Variants in PTPRT observed in about 807,000 individuals in gnomAD.
The protein encoded by PTPRT is protein tyrosine phosphatase receptor type T, also known as receptor-type tyrosine-protein phosphatase T.
PTPRT carries 56 observed loss-of-function variants against 176.8 expected under a neutral mutation model. That is an observed-to-expected ratio of 0.32 (90% confidence interval 0.26 to 0.40). The LOEUF (loss-of-function observed/expected upper bound fraction) is 0.40, where lower values mean the gene tolerates loss of function less well. Ranked by LOEUF, PTPRT falls within the 10% of genes least tolerant of loss-of-function variation. PTPRT has a pLI of 1.00. For missense variants in PTPRT, 1,540 were observed against 1,908.2 expected (o/e 0.81, Z 3.60); for synonymous variants, 783 against 739.0 (o/e 1.06, Z -0.96).
chr20:42,061,051 T>C, the PTPRT span, among the ~76,000 whole-genome samples: 1 of 152,200 alleles, frequency 6.6e-6, no homozygotes, highest in African/African-American at 2.4e-5. Flanking sequence ...CATAGTGTTG[T>C]AAGAAGGATT....
At chr20:42,044,420 G>A in the PTPRT span, among the ~76,000 whole-genome samples, 3 of 152,182 alleles carry the variant, frequency 2.0e-5, no homozygotes, top group African/African-American at 7.2e-5. Context: ...GATGATTCCA[G>A]ACACACACCA....
At chr20:43,048,322 G>T (rs1986914328) in intron 1 of PTPRT, among the ~76,000 whole-genome samples, 1 of 152,184 alleles carries the variant, frequency 6.6e-6, no homozygotes, top group Non-Finnish European at 1.5e-5. Context: ...CACGAGCCCT[G>T]GCTGGGGAGA....
intron 7 of PTPRT, among the ~76,000 whole-genome samples, chr20:42,580,263 A>T (rs896171600): frequency 1.4e-4 from 21 of 152,060 alleles, no homozygotes; most frequent in African/African-American, 5.1e-4. Flanking sequence ...ATTGGTCTAT[A>T]TCTCTGTTTT....
chr20:42,707,196 C>T (rs974943444), intron 6 of PTPRT, among the ~76,000 whole-genome samples: 10 of 152,036 alleles, frequency 6.6e-5, no homozygotes, highest in Admixed American at 5.2e-4. Context: ...TTTTGCCACA[C>T]ACAGTTTGTG....
intron 12 of PTPRT, among the ~76,000 whole-genome samples, chr20:42,309,600 T>C (rs1223478066): frequency 1.3e-5 from 2 of 152,210 alleles, no homozygotes; most frequent in East Asian, 3.8e-4. Context: ...GTGCTTTTCA[T>C]TATTCAATAT....
intron 7 of PTPRT, among the ~76,000 whole-genome samples, chr20:42,585,555 A>G (rs2073456963): frequency 6.6e-6 from 1 of 152,152 alleles, no homozygotes; most frequent in Non-Finnish European, 1.5e-5. Flanking sequence ...AATAGTTAAC[A>G]CTGTATAGCA....
At chr20:42,781,558 T>C (rs910593140) in intron 3 of PTPRT, among the ~76,000 whole-genome samples, 15 of 152,122 alleles carry the variant, frequency 9.9e-5, no homozygotes, top group Admixed American at 4.6e-4. Flanking sequence ...AACCCTCCCT[T>C]TTATCCCTAA....
At chr20:42,098,714 G>T (rs1447169901) in intron 26 of PTPRT, among the ~76,000 whole-genome samples, 162 bp from the exon 27 acceptor site, 1 of 152,212 alleles carries the variant, frequency 6.6e-6, no homozygotes, top group African/African-American at 2.4e-5. Flanking sequence ...CGGCAAAGGG[G>T]ACCTTCTCAT....
At chr20:43,073,199 C>A (rs574831649) in intron 1 of PTPRT, among the ~76,000 whole-genome samples, 1 of 152,252 alleles carries the variant, frequency 6.6e-6, no homozygotes, top group East Asian at 1.9e-4. Flanking sequence ...AATCAGCTAC[C>A]TAGAGATAGA....
chr20:42,315,186 A>G (rs1298754446), intron 12 of PTPRT, among the ~76,000 whole-genome samples: 24 of 6,370 alleles, frequency 3.8e-3, no homozygotes, highest in Non-Finnish European at 0.01. Context: ...CTCCGTCTCA[A>G]AAAAAAAAAA....
At chr20:42,248,426 T>G (rs923008927) in intron 14 of PTPRT, among the ~76,000 whole-genome samples, 1 of 152,230 alleles carries the variant, frequency 6.6e-6, no homozygotes, top group Admixed American at 6.5e-5. Context: ...TGGAATCCCA[T>G]GGCACATCGC....
chr20:42,763,177 T>G (rs541446093), intron 5 of PTPRT, among the ~76,000 whole-genome samples: 1 of 152,348 alleles, frequency 6.6e-6, no homozygotes, highest in Admixed American at 6.5e-5. Context: ...GTAATGGCCT[T>G]GCCATTTTGC....
At chr20:43,160,704 T>C (rs2014669624) in intron 1 of PTPRT, among the ~76,000 whole-genome samples, 1 of 152,084 alleles carries the variant, frequency 6.6e-6, no homozygotes, top group Non-Finnish European at 1.5e-5. Context: ...ATATACAAGA[T>C]CTAATGGAAA....
chr20:42,481,796 A>G (rs1338522627), intron 7 of PTPRT, among the ~76,000 whole-genome samples: 75 of 131,634 alleles, frequency 5.7e-4, no homozygotes, highest in African/African-American at 2.0e-3. Context: ...ACACACACAC[A>G]CACACACACG....
At chr20:42,578,902 T>TTGGG (rs1555882870) in intron 7 of PTPRT, among the ~76,000 whole-genome samples, 2 of 139,730 alleles carry the variant, frequency 1.4e-5, no homozygotes, top group African/African-American at 5.6e-5. Context: ...TTTTTTTTTT[T>TTGGG]GGGGGGGGGT....
chr20:42,828,699 G>T (rs1232428100), intron 2 of PTPRT, among the ~76,000 whole-genome samples: 1 of 152,202 alleles, frequency 6.6e-6, no homozygotes, highest in Admixed American at 6.5e-5. Context: ...TGGCTTAAGA[G>T]GGTGCAAGTC....
intron 18 of PTPRT, among the ~76,000 whole-genome samples, chr20:42,130,387 G>A: frequency 6.6e-6 from 1 of 152,146 alleles, no homozygotes; most frequent in Non-Finnish European, 1.5e-5. Context: ...AGTAGGAGCT[G>A]GAGGCAAGGA....
intron 7 of PTPRT, among the ~76,000 whole-genome samples, chr20:42,539,689 T>A (rs543288020): frequency 6.8e-5 from 10 of 146,928 alleles, no homozygotes; most frequent in Non-Finnish European, 1.5e-4. Context: ...ATTACTAACA[T>A]CCCCAGAGAG....
intron 8 of PTPRT, among the ~76,000 whole-genome samples, chr20:42,469,272 C>T (rs1005698489): frequency 2.6e-5 from 4 of 152,192 alleles, no homozygotes; most frequent in Admixed American, 6.5e-5. Context: ...GGCGCGATCT[C>T]GGCTCACTGC....
Sources: allele counts gnomAD v4.1 joint callset (sites outside exome capture counted in the v4.1 genomes callset), GRCh38; gene constraint gnomAD v4.1.1; transcripts MANE v1.5; gene names NCBI Gene and HGNC (gene_info 2026-07-23, HGNC 2026-07-21).